ACSF3: variants seen among roughly 807,000 people sequenced by gnomAD.
The protein encoded by ACSF3 is acyl-CoA synthetase family member 3, also known as malonate--CoA ligase ACSF3, mitochondrial.
A neutral mutation model predicts 53.2 loss-of-function variants in ACSF3; 78 were observed. The ratio of observed to expected loss-of-function variants is 1.47; its 90% CI spans 1.22 to 1.77. The LOEUF (loss-of-function observed/expected upper bound fraction) is 1.77, where lower values mean the gene tolerates loss of function less well. ACSF3 is among the 40% of genes most tolerant of loss of function. ACSF3 has a pLI of 0.00. For synonymous variants in ACSF3, 414 were observed against 333.1 expected (o/e 1.24, Z -2.65); for missense variants, 937 against 771.1 (o/e 1.22, Z -2.55).
chr16:89,134,995 A>G (rs1027552937), intron 8 of ACSF3, among the ~76,000 whole-genome samples: 1 of 147,342 alleles, frequency 6.8e-6, no homozygotes, highest in Non-Finnish European at 1.5e-5. Flanking sequence ...TACTCACTGT[A>G]GTGTATTTAT....
intron 4 of ACSF3, among the ~76,000 whole-genome samples, chr16:89,110,970 G>A (rs767127011): frequency 5.9e-5 from 9 of 152,276 alleles, no homozygotes; most frequent in East Asian, 3.9e-4. Flanking sequence ...TTTCTGCTGC[G>A]TCTTGTTTGT....
At chr16:89,120,543 C>A (rs1390394791) in intron 6 of ACSF3, among the ~76,000 whole-genome samples, 1 of 152,244 alleles carries the variant, frequency 6.6e-6, no homozygotes, top group Non-Finnish European at 1.5e-5. Flanking sequence ...CACGTGAGTG[C>A]CTGCTGTGCC....
At position 89,133,120 on chromosome 16, in the gene ACSF3, T is replaced by C; in HGVS notation, c.1240-16T>C. The C allele has an allele frequency of 6.2e-7, 1 of 1,613,360 alleles. No homozygotes were observed. Among genetic ancestry groups the C allele is most frequent in the Non-Finnish European group, 8.5e-7 (1 of 1,179,986 alleles). ...GTGTGCCCAGCTCTGACCTCCATGT[T>C]CTTCATCCTCCACAGGTGACCCCAG... On this transcript the variant is annotated splice_polypyrimidine_tract_variant and intron_variant, in intron 7 of 10. Coordinates refer to ENST00000614302, the MANE Select transcript of ACSF3 (RefSeq NM_001243279.3).
intron 7 of ACSF3, among the ~76,000 whole-genome samples, chr16:89,129,524 T>G (rs74036126): frequency 0.14 from 21,281 of 152,228 alleles, 1,606 homozygotes; most frequent in African/African-American, 0.21. Context: ...GCAAGTTTCT[T>G]ATACACAGCA....
rs185069908 is a variant in ACSF3 at position 89,135,360 on chromosome 16, A to T, written c.1366+2098A>T. On this transcript the variant is annotated intron_variant, in intron 8 of 10. Coordinates refer to ENST00000614302, the MANE Select transcript of ACSF3 (RefSeq NM_001243279.3). ...CTGTGGGTCCCAGAGGCCCTGGAGC[A>T]TGTGCTGCTGTGAGGCAGGTGTGCT... 4.9e-3 allele frequency among the ~76,000 whole-genome samples: 742 copies of T among 152,286 alleles called. 5 individuals are homozygous for T. The highest frequency in any genetic ancestry group is 0.017 in the African/African-American group (699 of 41,574).
intron 1 of ACSF3, among the ~76,000 whole-genome samples, chr16:89,098,073 CA>C (rs1237859824): frequency 3.5e-5 from 5 of 143,368 alleles, no homozygotes; most frequent in African/African-American, 7.7e-5. Flanking sequence ...GACTCCGTCT[CA>C]AAAAAAAAAC....
chr16:89,128,484 T>A (rs184187949), intron 7 of ACSF3, among the ~76,000 whole-genome samples: 5 of 152,236 alleles, frequency 3.3e-5, no homozygotes, highest in African/African-American at 1.2e-4. Context: ...GGTTTCGAAC[T>A]CCTGACCTCA....
intron 4 of ACSF3, among the ~76,000 whole-genome samples, chr16:89,107,159 G>A (rs1027525115): frequency 3.9e-5 from 6 of 152,322 alleles, no homozygotes; most frequent in Non-Finnish European, 7.4e-5. Context: ...CCTTCAGGGG[G>A]CCTCCAGGTC....
At chr16:89,150,987 C>A in intron 10 of ACSF3, 1 of 1,283,932 alleles carries the variant, frequency 7.8e-7, no homozygotes, top group Non-Finnish European at 1.0e-6. Context: ...GGAGGAAATT[C>A]ACAGTCAAAT....
intron 4 of ACSF3, among the ~76,000 whole-genome samples, chr16:89,109,245 A>T (rs552395576): frequency 1.5e-5 from 2 of 136,752 alleles, no homozygotes; most frequent in Non-Finnish European, 1.6e-5. Context: ...AAAAAAAAAA[A>T]AAAAAGAAAA....
intron 7 of ACSF3, among the ~76,000 whole-genome samples, chr16:89,131,986 A>T (rs906965102): frequency 6.7e-6 from 1 of 149,756 alleles, no homozygotes; most frequent in African/African-American, 2.5e-5. Context: ...CCCCGTCATC[A>T]TGTGGGGCAG....
intron 4 of ACSF3, among the ~76,000 whole-genome samples, chr16:89,111,712 A>G (rs938728881): frequency 6.6e-6 from 1 of 152,286 alleles, no homozygotes; most frequent in South Asian, 2.1e-4. Flanking sequence ...TAGTCACTGC[A>G]TGCCTGTCCA....
chr16:89,103,083 A>C (rs1975556584), intron 4 of ACSF3, among the ~76,000 whole-genome samples: 1 of 152,242 alleles, frequency 6.6e-6, no homozygotes, highest in South Asian at 2.1e-4. Flanking sequence ...ATAACCATGT[A>C]CTGTAATCAA....
At chr16:89,120,970 G>A in intron 7 of ACSF3, 57 bp downstream of exon 7, 1 of 1,506,762 alleles carries the variant, frequency 6.6e-7, no homozygotes, top group Non-Finnish European at 9.2e-7. Flanking sequence ...AGGCCCCCCA[G>A]GGTGGTTACA....
chr16:89,153,987 G>A, intron 10 of ACSF3, 103 bp from the exon 11 acceptor site: 1 of 1,243,474 alleles, frequency 8.0e-7, no homozygotes, highest in Non-Finnish European at 1.1e-6. Context: ...GCCTGGCAAG[G>A]CTGCAGGGTC....
At chr16:89,114,568 A>T (rs1904738672) in intron 6 of ACSF3, 81 bp downstream of exon 6, 1 of 1,583,084 alleles carries the variant, frequency 6.3e-7, no homozygotes, top group African/African-American at 1.3e-5. Context: ...AACCACCCAC[A>T]TTCGGACTGA....
rs115037155 is a variant in ACSF3, at chr16:89,123,480, A to C, written c.1239+2567A>C. ...CCCTCACTACCACGGTCCCGGATCC[A>C]CGTGGCTCAAGTGAGGCTGTGGCCG... is the stretch of plus-strand genomic sequence containing the variant. On this transcript the variant is annotated intron_variant, in intron 7 of 10. Coordinates refer to ENST00000614302, the MANE Select transcript of ACSF3 (RefSeq NM_001243279.3). Among the ~76,000 whole-genome samples the C allele has an allele frequency of 8.7e-3, 1,321 of 152,274 alleles. 21 individuals carry two copies. The highest frequency in any genetic ancestry group is 0.03 in the African/African-American group (1,238 of 41,558).
At chr16:89,116,043 C>T (rs1488261745) in intron 6 of ACSF3, among the ~76,000 whole-genome samples, 1 of 152,162 alleles carries the variant, frequency 6.6e-6, no homozygotes, top group Non-Finnish European at 1.5e-5. Flanking sequence ...CTAATAAATC[C>T]TTGCGTAGCC....
intron 8 of ACSF3, among the ~76,000 whole-genome samples, chr16:89,136,055 G>A (rs551181638): frequency 7.9e-5 from 12 of 152,382 alleles, no homozygotes; most frequent in East Asian, 1.9e-4. Flanking sequence ...GATTGCAGGC[G>A]TCAGCCACTG....
Sources: allele counts gnomAD v4.1 joint callset (sites outside exome capture counted in the v4.1 genomes callset), GRCh38; gene constraint gnomAD v4.1.1; transcripts MANE v1.5; gene names NCBI Gene and HGNC (gene_info 2026-07-23, HGNC 2026-07-21).